EIPR1: variants seen among roughly 807,000 people sequenced by gnomAD.
EIPR1 encodes the protein EARP and GARP complex-interacting protein 1.
In EIPR1, 25 loss-of-function variants were observed where a neutral mutation model predicts 48.1. The ratio of observed to expected loss-of-function variants is 0.52; its 90% CI spans 0.38 to 0.73. EIPR1 has a LOEUF of 0.73. EIPR1 is among the 30% of genes least tolerant of loss of function. The pLI, the probability that EIPR1 is intolerant of heterozygous loss-of-function variation, is 0.00. For synonymous variants in EIPR1, 204 were observed against 201.9 expected (o/e 1.01, Z -0.09); for missense variants, 415 against 506.2 (o/e 0.82, Z 1.73).
At chr2:3,375,568 A>G (rs1659848314) in intron 1 of EIPR1, among the ~76,000 whole-genome samples, 1 of 152,154 alleles carries the variant, frequency 6.6e-6, no homozygotes, top group Non-Finnish European at 1.5e-5. Context: ...CCTTCTATCT[A>G]CCCATGTGGT....
intron 3 of EIPR1, chr2:3,320,300 C>A (rs62121546): frequency 0.18 from 29,568 of 165,950 alleles, 2,824 homozygotes; most frequent in Non-Finnish European, 0.21. Flanking sequence ...GATGACACCA[C>A]ACCTGCGGGC....
chr2:3,224,138 G>A (rs925912893), intron 4 of EIPR1, among the ~76,000 whole-genome samples: 1 of 152,118 alleles, frequency 6.6e-6, no homozygotes, highest in Non-Finnish European at 1.5e-5. Context: ...CCTGATTCCC[G>A]CCTTACCGGC....
chr2:3,251,460 G>C (rs1465054055), intron 4 of EIPR1, among the ~76,000 whole-genome samples: 1 of 152,040 alleles, frequency 6.6e-6, no homozygotes, highest in East Asian at 1.9e-4. Context: ...GAAAGAATCC[G>C]AGGCCCCACA....
In EIPR1 at chr2:3,189,156, C is replaced by T. The variant is rs1558209575; in HGVS notation, c.*178G>A. The stretch of plus-strand genomic sequence containing the variant: ...GGCTGGGTTCGGGCATTAGCTGTGC[C>T]GTCGACAATAGCCCCATTCACCCCA... On this transcript the variant is annotated 3_prime_UTR_variant, in exon 9 of 9. Coordinates refer to ENST00000382125, the MANE Select transcript of EIPR1 (RefSeq NM_003310.5). The surrounding 1 kb of genome is among the most constrained non-coding windows in gnomAD (Gnocchi z 4.6). 3.6e-6 allele frequency: 2 copies of T among 551,842 alleles called. No individual in the cohort carries two copies. Among genetic ancestry groups the T allele is most frequent in the East Asian group, 3.2e-5 (1 of 30,906 alleles). The allele number at this position is 551,842 out of a possible 1,614,324, so 34.2% of individuals were successfully genotyped here.
chr2:3,213,242 T>C (rs1286220627), intron 5 of EIPR1, among the ~76,000 whole-genome samples: 1 of 152,244 alleles, frequency 6.6e-6, no homozygotes, highest in Non-Finnish European at 1.5e-5. Flanking sequence ...TTCAAAGTTC[T>C]TCCACTTCCT....
At chr2:3,361,215 C>G (rs1381427403) in intron 1 of EIPR1, among the ~76,000 whole-genome samples, 1 of 152,138 alleles carries the variant, frequency 6.6e-6, no homozygotes, top group Non-Finnish European at 1.5e-5. Flanking sequence ...CAAGCCTTTC[C>G]ACGTAGCTAA....
intron 3 of EIPR1, among the ~76,000 whole-genome samples, chr2:3,314,652 T>TC (rs994108804): frequency 3.3e-5 from 5 of 151,738 alleles, no homozygotes; most frequent in African/African-American, 4.8e-5. Flanking sequence ...CTCTCTTGTG[T>TC]CCCCTCCCAA....
At chr2:3,225,220 A>ATGTGTG (rs1491346752) in intron 4 of EIPR1, among the ~76,000 whole-genome samples, 2,768 of 90,282 alleles carry the variant, frequency 0.031, 40 homozygotes, top group Middle Eastern at 0.043. Flanking sequence ...GTACACTGTG[A>ATGTGTG]TATGTGTGTG....
chr2:3,255,858 TGTG>T lies in EIPR1; in HGVS notation c.416+1438_416+1440del, dbSNP rs1399492648. On this transcript the variant is annotated intron_variant, in intron 4 of 8. Transcript: ENST00000382125. ...GTGTGCACAGAGACACAAGCACAAA[TGTG>T]TGCACATGTGCATCACACACATGCG... is the stretch of plus-strand genomic sequence containing the variant. Among the ~76,000 whole-genome samples the T allele has an allele frequency of 2.6e-5, 4 of 152,150 alleles. No individual in the cohort carries two copies. In the East Asian group the frequency reaches 7.7e-4, roughly 29 times the overall value.
At chr2:3,356,125 C>T (rs1384087672) in intron 1 of EIPR1, among the ~76,000 whole-genome samples, 3 of 152,196 alleles carry the variant, frequency 2.0e-5, no homozygotes, top group Admixed American at 6.5e-5. Context: ...GCTCTGGAGC[C>T]GGACGGCCCT....
chr2:3,335,305 G>A (rs11885867), intron 3 of EIPR1, among the ~76,000 whole-genome samples: 10,047 of 152,262 alleles, frequency 0.066, 348 homozygotes, highest in African/African-American at 0.077. Context: ...CCTGAAATGC[G>A]GGAGGAGCTC....
chr2:3,214,516 A>G (rs1249423212), intron 4 of EIPR1: 3 of 332,768 alleles, frequency 9.0e-6, no homozygotes, highest in Non-Finnish European at 1.7e-5. Context: ...TCGTCAATGT[A>G]CACAGGGGCT....
chr2:3,210,605 TCTCA>T (rs1399918213), intron 5 of EIPR1, among the ~76,000 whole-genome samples: 7 of 151,038 alleles, frequency 4.6e-5, no homozygotes, highest in African/African-American at 1.7e-4. Flanking sequence ...GTCCAGGTCT[TCTCA>T]CTGTTTACCT....
intron 1 of EIPR1, among the ~76,000 whole-genome samples, chr2:3,372,475 A>G (rs1347342235): frequency 1.3e-5 from 2 of 152,136 alleles, no homozygotes; most frequent in African/African-American, 4.8e-5. Context: ...CAAAATTGAT[A>G]GACCGCTAGC....
chr2:3,371,317 AAAC>A (rs1671110049), intron 1 of EIPR1, among the ~76,000 whole-genome samples: 1 of 152,224 alleles, frequency 6.6e-6, no homozygotes. Context: ...CATTAGGAAG[AAAC>A]TGCATCAACT....
At chr2:3,197,472 C>A (rs1360492213) in intron 5 of EIPR1, among the ~76,000 whole-genome samples, 2 of 152,192 alleles carry the variant, frequency 1.3e-5, no homozygotes, top group Non-Finnish European at 2.9e-5. Flanking sequence ...GTCTCGAGGC[C>A]CACACGGCCT....
chr2:3,240,132 T>C (rs890728268), intron 4 of EIPR1, among the ~76,000 whole-genome samples: 12 of 127,726 alleles, frequency 9.4e-5, no homozygotes, highest in Non-Finnish European at 1.2e-4. Context: ...AGCCAGCAGA[T>C]CCTTCCTAAA....
At chr2:3,249,696 T>C (rs898706959) in intron 4 of EIPR1, among the ~76,000 whole-genome samples, 13 of 152,156 alleles carry the variant, frequency 8.5e-5, no homozygotes, top group African/African-American at 2.7e-4. Context: ...TCAGGCATCT[T>C]GGGAGGGGGA....
intron 3 of EIPR1, among the ~76,000 whole-genome samples, chr2:3,269,509 A>G (rs1667621404): frequency 4.5e-5 from 1 of 22,118 alleles, no homozygotes; most frequent in Admixed American, 5.7e-4. Context: ...GCACTCAATC[A>G]TCATCACACT....
Sources: allele counts gnomAD v4.1 joint callset (sites outside exome capture counted in the v4.1 genomes callset), GRCh38; gene constraint gnomAD v4.1.1; non-coding constraint Gnocchi (gnomAD v3.1); transcripts MANE v1.5; gene names NCBI Gene and HGNC (gene_info 2026-07-23, HGNC 2026-07-21).